ADAMTS19: variants seen among roughly 807,000 people sequenced by gnomAD.
The protein encoded by ADAMTS19 is A disintegrin and metalloproteinase with thrombospondin motifs 19.
ADAMTS19 carries 93 observed loss-of-function variants against 153.3 expected under a neutral mutation model. The ratio of observed to expected loss-of-function variants is 0.61; its 90% CI spans 0.51 to 0.72. The LOEUF (loss-of-function observed/expected upper bound fraction) is 0.72, where lower values mean the gene tolerates loss of function less well. ADAMTS19 is among the 30% of genes least tolerant of loss of function. ADAMTS19 has a pLI of 0.00. For missense variants in ADAMTS19, 1,482 were observed against 1,552.1 expected, an observed-to-expected ratio of 0.95 and a Z score of 0.76; for synonymous variants, 600 against 556.6, an observed-to-expected ratio of 1.08 and a Z score of -1.10.
rs759801411 is a variant in ADAMTS19 at position 129,658,325 on chromosome 5, G to GAA, written c.2305-290_2305-289dup. 7.7e-3 allele frequency among the ~76,000 whole-genome samples: 831 copies of GAA among 107,292 alleles called. 13 individuals carry two copies. Among genetic ancestry groups the GAA allele is most frequent in the African/African-American group, 0.028 (768 of 27,436 alleles). 70.4% of individuals were successfully genotyped at this position (107,292 alleles called of 152,430 possible). ...AAAGAAAGAAAAAGAAAGAAAGAAA[G>GAA]AAAGAAAGAAAGAAAGAAAGAAAGA... On this transcript the variant is annotated intron_variant, in intron 14 of 22. Transcript: ENST00000274487.
At chr5:129,731,568 G>A (rs1360396563) in intron 21 of ADAMTS19, among the ~76,000 whole-genome samples, 3 of 152,006 alleles carry the variant, frequency 2.0e-5, no homozygotes, top group Non-Finnish European at 4.4e-5. Context: ...TTCATTGGTA[G>A]GCTGAGGACT....
intron 14 of ADAMTS19, 131 bp from the exon 15 acceptor site, chr5:129,658,486 T>G: frequency 1.1e-6 from 1 of 905,214 alleles, no homozygotes; most frequent in Non-Finnish European, 1.6e-6. Context: ...AATGACATTT[T>G]ATAATATGAC....
intron 2 of ADAMTS19, among the ~76,000 whole-genome samples, chr5:129,488,589 T>G (rs1342186319): frequency 6.6e-6 from 1 of 152,106 alleles, no homozygotes; most frequent in Non-Finnish European, 1.5e-5. Flanking sequence ...TTTTATAGTC[T>G]CAGTTTACTA....
intron 7 of ADAMTS19, among the ~76,000 whole-genome samples, chr5:129,569,744 G>C (rs897909067): frequency 6.6e-6 from 1 of 151,946 alleles, no homozygotes; most frequent in African/African-American, 2.4e-5. Flanking sequence ...ACATTTCAAG[G>C]GAAATTACTA....
chr5:129,648,766 A>G (rs1177491710), intron 12 of ADAMTS19, 32 bp from the exon 13 acceptor site: 2 of 1,598,162 alleles, frequency 1.3e-6, no homozygotes, highest in Admixed American at 1.7e-5. Context: ...CATAAAAAAC[A>G]TAAAATTGAT....
chr5:129,631,484 A>G (rs780523066), intron 10 of ADAMTS19, among the ~76,000 whole-genome samples: 1 of 151,966 alleles, frequency 6.6e-6, no homozygotes, highest in Non-Finnish European at 1.5e-5. Flanking sequence ...CCCTTCGATT[A>G]TGTCAGATTT....
At chr5:129,549,794 A>G (rs1369387884) in intron 6 of ADAMTS19, among the ~76,000 whole-genome samples, 1 of 148,986 alleles carries the variant, frequency 6.7e-6, no homozygotes. Flanking sequence ...ACACACATAC[A>G]TATATCTATA....
intron 6 of ADAMTS19, among the ~76,000 whole-genome samples, chr5:129,549,824 G>A (rs1329326979): frequency 3.6e-5 from 5 of 139,744 alleles, no homozygotes; most frequent in South Asian, 2.3e-4. Flanking sequence ...ACATGTATCC[G>A]TATATGTATA....
chr5:129,508,977 T>C (rs1751348884), intron 2 of ADAMTS19, 100 bp from the exon 3 acceptor site: 2 of 969,560 alleles, frequency 2.1e-6, no homozygotes, highest in Non-Finnish European at 2.9e-6. Context: ...GAAGACTGTA[T>C]GCATGTTTGT....
intron 16 of ADAMTS19, among the ~76,000 whole-genome samples, chr5:129,676,632 T>C (rs925567940): frequency 6.6e-6 from 1 of 152,248 alleles, no homozygotes; most frequent in African/African-American, 2.4e-5. Context: ...AGCTGTTTCA[T>C]ACATTGTCTA....
intron 8 of ADAMTS19, among the ~76,000 whole-genome samples, chr5:129,600,906 G>A (rs1277985435): frequency 2.0e-5 from 3 of 152,038 alleles, no homozygotes; most frequent in Non-Finnish European, 2.9e-5. Context: ...GTCTCCCTCT[G>A]TAGCCCAGGC....
chr5:129,709,117 T>C (rs1258503942), intron 21 of ADAMTS19, among the ~76,000 whole-genome samples: 6 of 152,124 alleles, frequency 3.9e-5, no homozygotes, highest in African/African-American at 9.6e-5. Flanking sequence ...ATGAAGAATC[T>C]AAAAACTAAT....
intron 6 of ADAMTS19, among the ~76,000 whole-genome samples, chr5:129,532,575 C>A (rs545385738): frequency 6.6e-6 from 1 of 152,048 alleles, no homozygotes; most frequent in South Asian, 2.1e-4. Context: ...AGCCCACATC[C>A]GCTTCTTAGA....
At chr5:129,667,323 A>G (rs1754097809) in intron 16 of ADAMTS19, among the ~76,000 whole-genome samples, 1 of 152,082 alleles carries the variant, frequency 6.6e-6, no homozygotes, top group Non-Finnish European at 1.5e-5. Flanking sequence ...AATTACATCT[A>G]GCTCTATTGT....
At chr5:129,723,081 G>A (rs890553545) in intron 21 of ADAMTS19, among the ~76,000 whole-genome samples, 5 of 152,042 alleles carry the variant, frequency 3.3e-5, no homozygotes, top group African/African-American at 1.2e-4. Context: ...TATCAGTAAT[G>A]CCAAACCCTG....
At chr5:129,509,619 A>G (rs1310392372) in intron 3 of ADAMTS19, among the ~76,000 whole-genome samples, 1 of 152,012 alleles carries the variant, frequency 6.6e-6, no homozygotes, top group Non-Finnish European at 1.5e-5. Flanking sequence ...CTGTGAAAGC[A>G]TCATAGATAT....
At chr5:129,660,242 A>G (rs1753763145) in intron 15 of ADAMTS19, among the ~76,000 whole-genome samples, 1 of 152,162 alleles carries the variant, frequency 6.6e-6, no homozygotes. Context: ...AAAAGGTGAT[A>G]GGTCCCACAC....
chr5:129,719,937 G>A (rs1446441320), intron 21 of ADAMTS19, among the ~76,000 whole-genome samples: 1 of 151,996 alleles, frequency 6.6e-6, no homozygotes, highest in East Asian at 1.9e-4. Flanking sequence ...CTACTTGGAA[G>A]GCTGAAGCGG....
Position 129,717,681 on chromosome 5 carries a change from AC to A in ADAMTS19, c.3312+13292del, listed in dbSNP as rs910948411. On this transcript the variant is annotated intron_variant, in intron 21 of 22. Transcript: ENST00000274487. ...CCATCAGGTTAGATAGCCATTATCT[AC>A]CTTAGAAAAGAAGTGGTGGATAGAA... Among the ~76,000 whole-genome samples, 194 of 152,322 alleles carry A rather than the reference AC, an allele frequency of 1.3e-3. 1 individual carries two copies. Among genetic ancestry groups the A allele is most frequent in the African/African-American group, 4.5e-3 (189 of 41,580 alleles).
Sources: allele counts gnomAD v4.1 joint callset (sites outside exome capture counted in the v4.1 genomes callset), GRCh38; gene constraint gnomAD v4.1.1; transcripts MANE v1.5; gene names NCBI Gene and HGNC (gene_info 2026-07-23, HGNC 2026-07-21).